CRMP1: variants seen among roughly 807,000 people sequenced by gnomAD.
The protein encoded by CRMP1 is collapsin response mediator protein 1.
A neutral mutation model predicts 68.3 loss-of-function variants in CRMP1; 19 were observed. The observed-to-expected ratio is 0.28, with a 90% CI of 0.19 to 0.41. CRMP1 has a LOEUF of 0.41. Among genes scored for constraint, CRMP1 ranks in the 10% least tolerant of loss-of-function variants. The pLI is 1.00. For missense variants in CRMP1, 791 were observed against 967.4 expected (o/e 0.82, Z 2.42); for synonymous variants, 439 against 399.6 (o/e 1.10, Z -1.18).
At chr4:5,849,246 A>G (rs749325826) in intron 6 of CRMP1, 146 bp downstream of exon 6, 7 of 617,266 alleles carry the variant, frequency 1.1e-5, no homozygotes, top group African/African-American at 3.7e-5. Flanking sequence ...ATTTTCATTC[A>G]TATCTGATGT....
chr4:5,888,412 C>T lies in CRMP1; in HGVS notation c.381+4177G>A, dbSNP rs906869258. On this transcript the variant is annotated intron_variant, in intron 1 of 13. Transcript: ENST00000324989. The surrounding 1 kb of genome is among the most constrained non-coding windows in gnomAD (Gnocchi z 6.4). ...GACGGAGGCTCGGCGCCCGTGGATG[C>T]CCACGCGCGGCTGCCCCGGCTGCTC... 7 of 1,217,888 alleles carry T rather than the reference C, an allele frequency of 5.7e-6. No homozygotes were observed. Among genetic ancestry groups the T allele is most frequent in the Middle Eastern group, 3.0e-4 (1 of 3,308 alleles). The allele number at this position is 1,217,888 out of a possible 1,614,324, so 75.4% of individuals were successfully genotyped here.
rs1713902465 is a variant in CRMP1, at chr4:5,865,279, G to A, written c.470+1389C>T. On this transcript the variant is annotated intron_variant, in intron 2 of 13. Transcript: ENST00000324989. This position sits in a 1 kb window ranked among gnomAD's most constrained non-coding sequence, Gnocchi z 4.1. ...AGAGGCTGAGCACCCAGCAAATCCA[G>A]GTTACAACTCACAGAAAGAGAACTG... 6.6e-6 allele frequency among the ~76,000 whole-genome samples: 1 copy of A among 152,030 alleles called. No homozygotes were observed. The highest frequency in any genetic ancestry group is 1.5e-5 in the Non-Finnish European group (1 of 68,012).
chr4:5,829,092 C>T (rs1008488365), intron 11 of CRMP1, among the ~76,000 whole-genome samples: 18 of 152,172 alleles, frequency 1.2e-4, no homozygotes, highest in African/African-American at 4.1e-4. Flanking sequence ...TTTTAAAGCA[C>T]GTGTGCCATA....
chr4:5,825,091 G>A lies in CRMP1; in HGVS notation c.1969+403C>T. The A allele has an allele frequency of 1.0e-6, 1 of 985,326 alleles. No homozygotes were observed. Among genetic ancestry groups the A allele is most frequent in the Non-Finnish European group, 1.2e-6 (1 of 829,918 alleles). The allele number at this position is 985,326 out of a possible 1,614,324, so 61.0% of individuals were successfully genotyped here. A position where few individuals can be genotyped will look rare whatever the true frequency, so the allele number is the denominator to read the frequency against. On this transcript the variant is annotated intron_variant, in intron 13 of 13. Transcript: ENST00000324989. The surrounding 1 kb of genome is among the most constrained non-coding windows in gnomAD (Gnocchi z 4.4). Reference sequence around the variant, plus strand: ...TGAAAGTGCTTAGTACACTGCAGTGGGTGAACAGGCTAAAGACTTACACAG... The same window carrying A: ...TGAAAGTGCTTAGTACACTGCAGTGAGTGAACAGGCTAAAGACTTACACAG...
Position 5,860,038 on chromosome 4 carries a change from C to A in CRMP1, c.655+988G>T, listed in dbSNP as rs1380648827. 1.3e-5 allele frequency among the ~76,000 whole-genome samples: 2 copies of A among 152,110 alleles called. No individual in the cohort carries two copies. The highest frequency in any genetic ancestry group is 1.3e-4 in the Admixed American group (2 of 15,278). Reference sequence around the variant, plus strand: ...CACAAGAAACAGCCATCGGGCTGCACAGGGCAATGGAGGAGGAGTCCAGTT... The same window carrying A: ...CACAAGAAACAGCCATCGGGCTGCAAAGGGCAATGGAGGAGGAGTCCAGTT... On this transcript the variant is annotated intron_variant, in intron 3 of 13. Coordinates refer to ENST00000324989, the MANE Select transcript of CRMP1 (RefSeq NM_001014809.3). The surrounding 1 kb of genome is among the most constrained non-coding windows in gnomAD (Gnocchi z 4.2).
In CRMP1 at chr4:5,850,639, T is replaced by C. The variant is rs1371947135; in HGVS notation, c.882+769A>G. ...TCTTATGAAATCATTCAACTGCCTC[T>C]ATAAGGTAGGGCTATCATGAGCCTA... On this transcript the variant is annotated intron_variant, in intron 5 of 13. Transcript: ENST00000324989. This position sits in a 1 kb window ranked among gnomAD's most constrained non-coding sequence, Gnocchi z 4.4. Among the ~76,000 whole-genome samples, 4 of 152,170 alleles carry C rather than the reference T, an allele frequency of 2.6e-5. No homozygotes were observed. The highest frequency in any genetic ancestry group is 5.9e-5 in the Non-Finnish European group (4 of 68,032).
rs1713019007 is a variant in CRMP1, at chr4:5,855,885, T to C, written c.820+258A>G. 6.6e-6 allele frequency among the ~76,000 whole-genome samples: 1 copy of C among 151,984 alleles called. No individual in the cohort carries two copies. The highest frequency in any genetic ancestry group is 2.4e-5 in the African/African-American group (1 of 41,366). ...GATGGAAAAGAAAAGTGAAGTTAGATCAGCAAGGGCCTGGGCACAGCAGGC... is the reference window on the plus strand; with the variant it reads ...GATGGAAAAGAAAAGTGAAGTTAGACCAGCAAGGGCCTGGGCACAGCAGGC... On this transcript the variant is annotated intron_variant, in intron 4 of 13. Coordinates refer to ENST00000324989, the MANE Select transcript of CRMP1 (RefSeq NM_001014809.3). The surrounding 1 kb of genome is among the most constrained non-coding windows in gnomAD (Gnocchi z 4.9).
rs1720861685 is a variant in CRMP1 at position 5,838,265 on chromosome 4, C to T, written c.1310+1257G>A. Reference sequence around the variant, plus strand: ...TGAAGCTGGGACTGGACCGAGGGAGCCAAGGGCAGAGGAGGCCCAGGGAGG... The same window carrying T: ...TGAAGCTGGGACTGGACCGAGGGAGTCAAGGGCAGAGGAGGCCCAGGGAGG... On this transcript the variant is annotated intron_variant, in intron 9 of 13. Coordinates refer to ENST00000324989, the MANE Select transcript of CRMP1 (RefSeq NM_001014809.3). This position sits in a 1 kb window ranked among gnomAD's most constrained non-coding sequence, Gnocchi z 4.9. 6.6e-6 allele frequency among the ~76,000 whole-genome samples: 1 copy of T among 151,996 alleles called. No individual in the cohort carries two copies.
intron 1 of CRMP1, among the ~76,000 whole-genome samples, chr4:5,878,122 T>A (rs563366371): frequency 1.2e-4 from 19 of 152,326 alleles, no homozygotes; most frequent in Non-Finnish European, 5.9e-5. Flanking sequence ...GGAATAAGTA[T>A]GACAAGTGAG....
intron 1 of CRMP1, among the ~76,000 whole-genome samples, chr4:5,869,878 A>G (rs1714322131): frequency 1.3e-5 from 2 of 152,026 alleles, no homozygotes; most frequent in East Asian, 3.9e-4. Context: ...TGACCTGGCT[A>G]GCACTGTGGG....
chr4:5,828,138 G>A, intron 12 of CRMP1: 1 of 985,410 alleles, frequency 1.0e-6, no homozygotes, highest in Non-Finnish European at 1.2e-6. Flanking sequence ...GCTCTGGGCT[G>A]CAAAAGGAGG....
chr4:5,833,461 C>G lies in CRMP1; in HGVS notation c.1623+2454G>C, dbSNP rs1291416537. Reference sequence around the variant, plus strand: ...GATTACAGGCGTGAGCCACCGCGCCCGGCCCCAGAACTTTTAAGAGATGAA... The same window carrying G: ...GATTACAGGCGTGAGCCACCGCGCCGGGCCCCAGAACTTTTAAGAGATGAA... On this transcript the variant is annotated intron_variant, in intron 11 of 13. Coordinates refer to ENST00000324989, the MANE Select transcript of CRMP1 (RefSeq NM_001014809.3). Among the ~76,000 whole-genome samples, 9 of 86,600 alleles carry G rather than the reference C, an allele frequency of 1.0e-4. 1 individual carries two copies. The highest frequency in any genetic ancestry group is 2.3e-4 in the Non-Finnish European group (9 of 39,940). 56.8% of individuals were successfully genotyped at this position (86,600 alleles called of 152,430 possible). A position where few individuals can be genotyped will look rare whatever the true frequency, so the allele number is the denominator to read the frequency against.
rs1713002936 is a variant in CRMP1 at position 5,855,661 on chromosome 4, AG to A, written c.820+481del. 6.6e-6 allele frequency among the ~76,000 whole-genome samples: 1 copy of A among 152,196 alleles called. No homozygotes were observed. The highest frequency in any genetic ancestry group is 2.1e-4 in the South Asian group (1 of 4,826). ...AGGAACAATGGAAAAAGTGCCCCAA[AG>A]GAGGCCTAAGTAACCGGCATTGGCT... is the stretch of plus-strand genomic sequence containing the variant. On this transcript the variant is annotated intron_variant, in intron 4 of 13. Transcript: ENST00000324989. This position sits in a 1 kb window ranked among gnomAD's most constrained non-coding sequence, Gnocchi z 4.9.
intron 1 of CRMP1, among the ~76,000 whole-genome samples, chr4:5,868,307 A>G (rs1714187563): frequency 9.4e-6 from 1 of 106,652 alleles, no homozygotes; most frequent in African/African-American, 3.1e-5. Flanking sequence ...ATATATACAT[A>G]ATTTTTTTTT....
intron 11 of CRMP1, among the ~76,000 whole-genome samples, chr4:5,829,385 T>A (rs920259334): frequency 1.3e-5 from 2 of 152,020 alleles, no homozygotes; most frequent in Non-Finnish European, 2.9e-5. Flanking sequence ...CGAGACTCTG[T>A]CTCCAGAAAA....
chr4:5,830,462 T>C lies in CRMP1; in HGVS notation c.1624-1794A>G, dbSNP rs1437073289. Among the ~76,000 whole-genome samples the C allele has an allele frequency of 2.6e-5, 4 of 152,246 alleles. No homozygotes were observed. The East Asian group carries it at 7.7e-4, about 29-fold the overall frequency. ...TCATTCTTTCAAAAAATGTGTGTTG[T>C]ATTCTAGTCCTTTCATAGCTTTATT... On this transcript the variant is annotated intron_variant, in intron 11 of 13. Transcript: ENST00000324989.
chr4:5,878,790 C>T (rs1048671306), intron 1 of CRMP1, among the ~76,000 whole-genome samples: 6 of 152,046 alleles, frequency 3.9e-5, no homozygotes, highest in Middle Eastern at 6.8e-3. Context: ...GATAGCACTT[C>T]GCACAGTGCC....
chr4:5,868,584 A>G (rs1022303411), intron 1 of CRMP1, among the ~76,000 whole-genome samples: 5 of 152,084 alleles, frequency 3.3e-5, no homozygotes, highest in African/African-American at 9.7e-5. Context: ...TACAGGCGTG[A>G]GCCACCGCGC....
At position 5,835,956 on chromosome 4, in the gene CRMP1, G is replaced by C; in HGVS notation, c.1582C>G (p.Pro528Ala). The change falls in exon 11 of 14, where the codon CCC becomes GCC. Residue 528 changes from proline to alanine, a missense_variant. By Grantham distance (27) the Pro-to-Ala change is conservative. Transcript: ENST00000324989. ...GCTGTTATGGTCTTCAACTTGTCGG[G>C]GTCCCAGATGACCACGTCGGCATCC... Reference protein sequence around the residue: ...GSDADVVIWDPDKLKTITAKS... With the variant: ...GSDADVVIWDADKLKTITAKS... The C allele has an allele frequency of 1.3e-6, 2 of 1,586,540 alleles. No homozygotes were observed. The highest frequency in any genetic ancestry group is 1.7e-6 in the Non-Finnish European group (2 of 1,166,510).
Sources: gnomAD v4.1 joint callset for allele counts (sites outside exome capture counted in the v4.1 genomes callset) on GRCh38, gnomAD v4.1.1 for gene constraint, Gnocchi (gnomAD v3.1) non-coding constraint, MANE v1.5 for transcripts, NCBI Gene and HGNC (gene_info 2026-07-23, HGNC 2026-07-21) for gene names.